The following GDPD5 variants were observed in gnomAD, a reference collection of about 807,000 sequenced individuals.
The protein encoded by GDPD5 is glycerophosphodiester phosphodiesterase 2.
GDPD5 carries 48 observed loss-of-function variants against 75.1 expected under a neutral mutation model. The ratio of observed to expected loss-of-function variants is 0.64; its 90% CI spans 0.51 to 0.81. The LOEUF is 0.81. Ranked by LOEUF, GDPD5 falls within the 40% of genes least tolerant of loss-of-function variation. The pLI is 0.00. For missense variants in GDPD5, 706 were observed against 822.6 expected (o/e 0.86, Z 1.73); for synonymous variants, 336 against 339.0 (o/e 0.99, Z 0.10).
At chr11:75,457,100 C>A (rs887025744) in intron 5 of GDPD5, among the ~76,000 whole-genome samples, 9 of 152,238 alleles carry the variant, frequency 5.9e-5, no homozygotes, top group African/African-American at 2.2e-4. Flanking sequence ...TACTCAACTT[C>A]ATTCATCAAA....
chr11:75,455,293 C>T, intron 6 of GDPD5: 1 of 455,274 alleles, frequency 2.2e-6, no homozygotes, highest in South Asian at 1.5e-5. Context: ...TTTCAAATGC[C>T]AGCTTTGCAG....
chr11:75,443,359 C>T (rs1352221450), intron 10 of GDPD5, 73 bp from the exon 11 acceptor site: 2 of 1,501,360 alleles, frequency 1.3e-6, no homozygotes, highest in African/African-American at 2.7e-5. Context: ...ATCGTCACCC[C>T]ACACAGTCCT....
At chr11:75,484,246 C>T (rs187730470) in intron 2 of GDPD5, among the ~76,000 whole-genome samples, 3 of 152,156 alleles carry the variant, frequency 2.0e-5, no homozygotes, top group African/African-American at 7.2e-5. Flanking sequence ...GTGATGGTTG[C>T]GAACTTTATC....
intron 12 of GDPD5, 42 bp downstream of exon 12, chr11:75,442,321 G>A: frequency 6.8e-7 from 1 of 1,461,992 alleles, no homozygotes; most frequent in Non-Finnish European, 9.3e-7. Context: ...GCTCTAGCCA[G>A]GCCAGGGCTC....
At position 75,457,682 on chromosome 11, in the gene GDPD5, G is replaced by T; in HGVS notation, c.315+11C>A. 6.2e-7 allele frequency: 1 copy of T among 1,613,276 alleles called. No individual in the cohort carries two copies. The highest frequency in any genetic ancestry group is 1.3e-5 in the African/African-American group (1 of 75,034). The stretch of plus-strand genomic sequence containing the variant: ...GCAGGGCCACCTGCCCTCCAAAACA[G>T]CCCCATGTACCAGGAGGCCAGCGAT... On this transcript the variant is annotated intron_variant, in intron 5 of 16. Coordinates refer to ENST00000336898, the MANE Select transcript of GDPD5 (RefSeq NM_030792.8).
intron 10 of GDPD5, 87 bp from the exon 11 acceptor site, chr11:75,443,373 C>G (rs1307890447): frequency 6.9e-7 from 1 of 1,451,498 alleles, no homozygotes; most frequent in Non-Finnish European, 9.3e-7. Flanking sequence ...CAGTCCTCCC[C>G]ACCCAGCACA....
rs11236443 is a variant in GDPD5 at position 75,501,615 on chromosome 11, C to T, written c.-144-11295G>A. Among the ~76,000 whole-genome samples, 1,334 of 152,284 alleles carry T rather than the reference C, an allele frequency of 8.8e-3. 20 individuals carry two copies. Among genetic ancestry groups the T allele is most frequent in the African/African-American group, 0.03 (1,238 of 41,540 alleles). ...GCTCCAGAGCAGGGGCTCAGGGAGACGTGGCAACAGCCACCTGAACAGTCT... is the reference window on the plus strand; with the variant it reads ...GCTCCAGAGCAGGGGCTCAGGGAGATGTGGCAACAGCCACCTGAACAGTCT... On this transcript the variant is annotated intron_variant, in intron 1 of 16. Coordinates refer to ENST00000336898, the MANE Select transcript of GDPD5 (RefSeq NM_030792.8).
intron 1 of GDPD5, among the ~76,000 whole-genome samples, chr11:75,513,555 G>A (rs149310119): frequency 2.2e-4 from 33 of 152,252 alleles, no homozygotes; most frequent in African/African-American, 7.9e-4. Flanking sequence ...ATATCAGAGC[G>A]CTTCGTAAAG....
chr11:75,483,000 C>T (rs550139795), intron 2 of GDPD5, among the ~76,000 whole-genome samples: 3 of 152,218 alleles, frequency 2.0e-5, no homozygotes, highest in Non-Finnish European at 4.4e-5. Context: ...ATGCTACTTA[C>T]ACCACACTCG....
At chr11:75,453,384 C>T (rs182927860) in intron 6 of GDPD5, among the ~76,000 whole-genome samples, 1 of 151,964 alleles carries the variant, frequency 6.6e-6, no homozygotes, top group Non-Finnish European at 1.5e-5. Flanking sequence ...TTTGGGAGGC[C>T]GAGGTGGGCG....
chr11:75,458,071 C>A (rs971942377), intron 4 of GDPD5, among the ~76,000 whole-genome samples: 20 of 152,212 alleles, frequency 1.3e-4, no homozygotes, highest in Non-Finnish European at 2.9e-4. Context: ...TGGGTTCCCC[C>A]GCCCCCATGC....
At chr11:75,437,273 C>T (rs539818516) in intron 15 of GDPD5, 39 of 543,814 alleles carry the variant, frequency 7.2e-5, no homozygotes, top group South Asian at 5.6e-4. Context: ...CCTCCAGAGC[C>T]GCCAGTCAGC....
chr11:75,509,185 G>C (rs976204296), intron 1 of GDPD5, among the ~76,000 whole-genome samples: 5 of 152,184 alleles, frequency 3.3e-5, no homozygotes, highest in African/African-American at 1.2e-4. Flanking sequence ...AGTTGGGTGT[G>C]GGGGGTGTTC....
At chr11:75,463,677 T>C (rs1288442544) in intron 3 of GDPD5, among the ~76,000 whole-genome samples, 1 of 152,168 alleles carries the variant, frequency 6.6e-6, no homozygotes. Flanking sequence ...CAAGACTACA[T>C]TTCCCTTGAG....
chr11:75,458,373 A>T (rs1949337443), intron 4 of GDPD5, among the ~76,000 whole-genome samples: 1 of 152,200 alleles, frequency 6.6e-6, no homozygotes, highest in Non-Finnish European at 1.5e-5. Context: ...TAGGATGGGG[A>T]TAAGAAAGTG....
chr11:75,479,748 CT>C (rs1166206467), intron 2 of GDPD5, among the ~76,000 whole-genome samples: 5 of 152,216 alleles, frequency 3.3e-5, no homozygotes, highest in Admixed American at 6.5e-5. Context: ...TGCTCATCCA[CT>C]TTCTGTCTCT....
At chr11:75,478,804 C>T (rs1949838388) in intron 2 of GDPD5, among the ~76,000 whole-genome samples, 1 of 152,216 alleles carries the variant, frequency 6.6e-6, no homozygotes, top group Non-Finnish European at 1.5e-5. Flanking sequence ...TCCATCTCAT[C>T]AGCACAACCA....
intron 5 of GDPD5, among the ~76,000 whole-genome samples, chr11:75,457,264 C>T (rs1382056465): frequency 6.6e-6 from 1 of 152,204 alleles, no homozygotes; most frequent in Non-Finnish European, 1.5e-5. Flanking sequence ...AGGAAGCCTG[C>T]AGTGGGCCCT....
At chr11:75,461,171 T>G (rs1474218445) in intron 4 of GDPD5, among the ~76,000 whole-genome samples, 1 of 151,950 alleles carries the variant, frequency 6.6e-6, no homozygotes, top group Non-Finnish European at 1.5e-5. Context: ...CATCTGTACA[T>G]GATGGGGGTA....
Sources: allele counts gnomAD v4.1 joint callset (sites outside exome capture counted in the v4.1 genomes callset), GRCh38; gene constraint gnomAD v4.1.1; transcripts MANE v1.5; gene names NCBI Gene and HGNC (gene_info 2026-07-23, HGNC 2026-07-21).